The following ZMAT4 variants were observed in gnomAD, a reference collection of about 807,000 sequenced individuals.
ZMAT4 encodes zinc finger matrin-type protein 4.
Under a neutral mutation model 28.7 loss-of-function variants are expected in ZMAT4, and 17 were observed. That is an observed-to-expected ratio of 0.59 (90% CI 0.41 to 0.89). The LOEUF (loss-of-function observed/expected upper bound fraction) is 0.89. Ranked by LOEUF, ZMAT4 falls within the 40% of genes least tolerant of loss-of-function variation. The probability of loss-of-function intolerance (pLI) is 0.00; values close to 1 mark genes in which losing one functional copy is unlikely to be tolerated. For missense variants in ZMAT4, 240 were observed against 283.8 expected, an observed-to-expected ratio of 0.85 and a Z score of 1.11; for synonymous variants, 117 against 109.2, an observed-to-expected ratio of 1.07 and a Z score of -0.44.
chr8:40,641,206 G>A (rs549812099), intron 5 of ZMAT4, among the ~76,000 whole-genome samples: 1 of 152,220 alleles, frequency 6.6e-6, no homozygotes, highest in East Asian at 1.9e-4. Flanking sequence ...ATCTATCTGT[G>A]GATAAAAGTG....
chr8:40,896,503 G>T (rs1005001944), intron 1 of ZMAT4, among the ~76,000 whole-genome samples: 2 of 152,206 alleles, frequency 1.3e-5, no homozygotes, highest in Admixed American at 6.5e-5. Flanking sequence ...AGCTGCCTTC[G>T]CAGAAGAGGA....
At chr8:40,673,421 C>A (rs571917817) in intron 5 of ZMAT4, among the ~76,000 whole-genome samples, 1 of 152,090 alleles carries the variant, frequency 6.6e-6, no homozygotes. Flanking sequence ...ATTGTAGGCT[C>A]TGTATGCAGA....
In ZMAT4 at chr8:40,596,831, T is replaced by A. The variant is rs557090519; in HGVS notation, c.578-15570A>T. Among the ~76,000 whole-genome samples the A allele has an allele frequency of 7.2e-4, 109 of 152,248 alleles. 1 individual carries two copies. Among genetic ancestry groups the A allele is most frequent in the African/African-American group, 2.6e-3 (108 of 41,556 alleles). On this transcript the variant is annotated intron_variant, in intron 5 of 6. Transcript: ENST00000297737. ...TTGAGGCTGAATGAGACAACCTCCG[T>A]CTCCCTGTTCCAACTCTCCCACAGA...
At chr8:40,836,539 G>A (rs1391195525) in intron 1 of ZMAT4, among the ~76,000 whole-genome samples, 1 of 152,118 alleles carries the variant, frequency 6.6e-6, no homozygotes, top group Non-Finnish European at 1.5e-5. Context: ...ATAAACTGAG[G>A]TACAGTCACA....
At chr8:40,553,789 A>G (rs577136404) in intron 6 of ZMAT4, among the ~76,000 whole-genome samples, 1 of 152,320 alleles carries the variant, frequency 6.6e-6, no homozygotes, top group African/African-American at 2.4e-5. Flanking sequence ...CACTTTCTAG[A>G]TCAATCTCTT....
chr8:40,671,544 A>G (rs1217263313), intron 5 of ZMAT4, among the ~76,000 whole-genome samples: 1 of 152,192 alleles, frequency 6.6e-6, no homozygotes, highest in Non-Finnish European at 1.5e-5. Context: ...ACAATGTGTG[A>G]TCCACAATAA....
chr8:40,724,716 A>T (rs752057836), intron 3 of ZMAT4, among the ~76,000 whole-genome samples: 36 of 152,210 alleles, frequency 2.4e-4, no homozygotes, highest in Non-Finnish European at 4.3e-4. Flanking sequence ...TGGGGCCTTC[A>T]CAGAGGAAGA....
intron 1 of ZMAT4, among the ~76,000 whole-genome samples, chr8:40,881,437 A>AAGAAAGAG (rs1464294373): frequency 1.6e-3 from 79 of 50,096 alleles, no homozygotes; most frequent in African/African-American, 5.8e-3. Context: ...GAAAGAGAGA[A>AAGAAAGAG]AGAAAGAAAG....
chr8:40,883,042 T>C (rs1818334635), intron 1 of ZMAT4, among the ~76,000 whole-genome samples: 1 of 152,140 alleles, frequency 6.6e-6, no homozygotes, highest in Non-Finnish European at 1.5e-5. Context: ...CTCAGAGAAA[T>C]TGACAGACCC....
At chr8:40,579,426 C>T (rs1052446700) in intron 6 of ZMAT4, among the ~76,000 whole-genome samples, 3 of 151,992 alleles carry the variant, frequency 2.0e-5, no homozygotes, top group Admixed American at 6.6e-5. Context: ...GAGCAGTATC[C>T]GATAATTAAT....
intron 5 of ZMAT4, among the ~76,000 whole-genome samples, chr8:40,623,516 G>T (rs1259825046): frequency 6.6e-6 from 1 of 152,178 alleles, no homozygotes; most frequent in Admixed American, 6.5e-5. Context: ...GAAGTGAGAA[G>T]ACACATTTTG....
intron 5 of ZMAT4, among the ~76,000 whole-genome samples, chr8:40,650,874 C>T (rs899052049): frequency 4.6e-5 from 7 of 152,134 alleles, no homozygotes; most frequent in African/African-American, 1.7e-4. Context: ...CAAAATTCAA[C>T]AACCCTTCAG....
chr8:40,566,154 G>T (rs181593779), intron 6 of ZMAT4, among the ~76,000 whole-genome samples: 294 of 152,086 alleles, frequency 1.9e-3, no homozygotes, highest in African/African-American at 6.6e-3. Flanking sequence ...ATGTTCCTCC[G>T]CCGTGACACA....
At chr8:40,893,880 A>G (rs1463913199) in intron 1 of ZMAT4, among the ~76,000 whole-genome samples, 2 of 152,084 alleles carry the variant, frequency 1.3e-5, no homozygotes, top group Non-Finnish European at 2.9e-5. Flanking sequence ...TGTGTACTCA[A>G]TGCTTAGCTC....
rs967629743 is a variant in ZMAT4 at position 40,861,211 on chromosome 8, C to T, written c.-4-35531G>A. On this transcript the variant is annotated intron_variant, in intron 1 of 6. Coordinates refer to ENST00000297737, the MANE Select transcript of ZMAT4 (RefSeq NM_024645.3). ...CAGTACCTGGCACATGCTAAGTGCT[C>T]GGTAGGTATGAATTAGATGAATCAT... Among the ~76,000 whole-genome samples the T allele has an allele frequency of 3.9e-5, 6 of 152,168 alleles. No individual in the cohort carries two copies. In the East Asian group the frequency reaches 9.7e-4, roughly 24 times the overall value.
chr8:40,872,816 T>G (rs1817910047), intron 1 of ZMAT4, among the ~76,000 whole-genome samples: 1 of 152,328 alleles, frequency 6.6e-6, no homozygotes, highest in East Asian at 1.9e-4. Context: ...AGATTTTGCT[T>G]GTCTTTAGTT....
intron 5 of ZMAT4, among the ~76,000 whole-genome samples, chr8:40,629,360 A>C (rs1806488664): frequency 9.4e-6 from 1 of 106,542 alleles, no homozygotes. Flanking sequence ...TGCCTTTCTT[A>C]TTGGGAAATT....
intron 1 of ZMAT4, among the ~76,000 whole-genome samples, chr8:40,851,417 G>A (rs1162216763): frequency 9.9e-5 from 15 of 152,106 alleles, no homozygotes; most frequent in Non-Finnish European, 1.9e-4. Flanking sequence ...ACACATAAAG[G>A]ATATATAATA....
At chr8:40,716,764 T>G (rs765241456) in intron 3 of ZMAT4, among the ~76,000 whole-genome samples, 1 of 152,232 alleles carries the variant, frequency 6.6e-6, no homozygotes, top group Non-Finnish European at 1.5e-5. Context: ...GCAGGAGATC[T>G]TCATTACTAC....
Sources: gnomAD v4.1 joint callset for allele counts (sites outside exome capture counted in the v4.1 genomes callset) on GRCh38, gnomAD v4.1.1 for gene constraint, MANE v1.5 for transcripts, NCBI Gene and HGNC (gene_info 2026-07-23, HGNC 2026-07-21) for gene names.